The following CNTNAP2 variants were observed in gnomAD, a reference collection of about 807,000 sequenced individuals.
The protein encoded by CNTNAP2 is contactin associated protein 2.
In CNTNAP2, 98 loss-of-function variants were observed where a neutral mutation model predicts 155.2. That is an observed-to-expected ratio of 0.63 (90% CI 0.54 to 0.75). CNTNAP2 has a LOEUF of 0.75. Among genes scored for constraint, CNTNAP2 ranks in the 30% least tolerant of loss-of-function variants. The probability of loss-of-function intolerance (pLI) is 0.00; values close to 1 mark genes in which losing one functional copy is unlikely to be tolerated. For synonymous variants in CNTNAP2, 651 were observed against 631.2 expected, an observed-to-expected ratio of 1.03 and a Z score of -0.47; for missense variants, 1,727 against 1,688.1, an observed-to-expected ratio of 1.02 and a Z score of -0.40.
intron 8 of CNTNAP2, among the ~76,000 whole-genome samples, chr7:147,158,431 A>C (rs543650077): frequency 1.3e-5 from 2 of 152,192 alleles, no homozygotes; most frequent in Non-Finnish European, 2.9e-5. Flanking sequence ...TTTATTCTGC[A>C]CCATGGATTA....
At chr7:147,748,521 A>C (rs2116498965) in intron 13 of CNTNAP2, among the ~76,000 whole-genome samples, 1 of 152,350 alleles carries the variant, frequency 6.6e-6, no homozygotes, top group African/African-American at 2.4e-5. Flanking sequence ...CATAAAATTA[A>C]GAAGTCTTTA....
chr7:146,347,656 C>A (rs1307540022), intron 1 of CNTNAP2, among the ~76,000 whole-genome samples: 1 of 152,118 alleles, frequency 6.6e-6, no homozygotes, highest in Non-Finnish European at 1.5e-5. Flanking sequence ...ACCTCCACCT[C>A]CCTGCTTCAA....
At chr7:146,531,027 A>T (rs1433704186) in intron 1 of CNTNAP2, among the ~76,000 whole-genome samples, 1 of 152,204 alleles carries the variant, frequency 6.6e-6, no homozygotes, top group African/African-American at 2.4e-5. Flanking sequence ...CATTTTATAC[A>T]CCGTGGAATA....
intron 1 of CNTNAP2, among the ~76,000 whole-genome samples, chr7:146,214,413 G>T (rs1433078566): frequency 2.6e-5 from 4 of 152,094 alleles, no homozygotes; most frequent in African/African-American, 9.7e-5. Flanking sequence ...TACATACCTG[G>T]CTTTGTTATT....
intron 1 of CNTNAP2, among the ~76,000 whole-genome samples, chr7:146,380,760 T>TATTTCTTG: frequency 7.3e-6 from 1 of 136,498 alleles, no homozygotes; most frequent in South Asian, 2.4e-4. Context: ...AGAAAAAAAA[T>TATTTCTTG]ATTTCTTGCT....
At chr7:146,246,249 G>C (rs1364732807) in intron 1 of CNTNAP2, among the ~76,000 whole-genome samples, 4 of 150,668 alleles carry the variant, frequency 2.7e-5, no homozygotes, top group Admixed American at 1.3e-4. Flanking sequence ...GGTAATACAA[G>C]AGGAGGACGC....
chr7:146,412,640 C>T (rs1424877980), intron 1 of CNTNAP2, among the ~76,000 whole-genome samples: 2 of 152,294 alleles, frequency 1.3e-5, no homozygotes, highest in Non-Finnish European at 2.9e-5. Context: ...GTTACTGCAG[C>T]AATTTCTTTT....
At position 147,030,748 on chromosome 7, in the gene CNTNAP2, A is replaced by G. The variant is rs181445764; in HGVS notation, c.403-13159A>G. Among the ~76,000 whole-genome samples, 78 of 152,272 alleles carry G rather than the reference A, an allele frequency of 5.1e-4. No individual in the cohort carries two copies. In the South Asian group the frequency reaches 6.2e-3, roughly 12 times the overall value. On this transcript the variant is annotated intron_variant, in intron 3 of 23. Coordinates refer to ENST00000361727, the MANE Select transcript of CNTNAP2 (RefSeq NM_014141.6). ...AGAAGTTATATTAAGGCCAGGCATGATGATTCATGTCTGTAATCCTAGCAC... is the reference window on the plus strand; with the variant it reads ...AGAAGTTATATTAAGGCCAGGCATGGTGATTCATGTCTGTAATCCTAGCAC...
At chr7:146,401,171 A>G (rs1795708460) in intron 1 of CNTNAP2, among the ~76,000 whole-genome samples, 1 of 152,140 alleles carries the variant, frequency 6.6e-6, no homozygotes, top group Non-Finnish European at 1.5e-5. Flanking sequence ...TAACTTTCCT[A>G]ATGTTTTCTA....
chr7:147,677,327 A>T (rs777181314), intron 13 of CNTNAP2, among the ~76,000 whole-genome samples: 1 of 151,852 alleles, frequency 6.6e-6, no homozygotes, highest in East Asian at 1.9e-4. Flanking sequence ...ATTTAGAGTC[A>T]TGGCTCATTT....
chr7:148,408,009 C>A (rs1211490881), intron 22 of CNTNAP2, among the ~76,000 whole-genome samples: 1 of 152,220 alleles, frequency 6.6e-6, no homozygotes, highest in Admixed American at 6.5e-5. Flanking sequence ...TTTTGGGAGG[C>A]CAGGGTGAGT....
chr7:147,101,560 A>C (rs1318109784), intron 4 of CNTNAP2, among the ~76,000 whole-genome samples: 1 of 152,178 alleles, frequency 6.6e-6, no homozygotes, highest in Non-Finnish European at 1.5e-5. Flanking sequence ...CTTGTCTGGC[A>C]TTCAGAAAGA....
intron 12 of CNTNAP2, among the ~76,000 whole-genome samples, chr7:147,599,322 T>A (rs1229925971): frequency 6.7e-6 from 1 of 150,236 alleles, no homozygotes; most frequent in African/African-American, 2.5e-5. Flanking sequence ...ACTAAAAAAA[T>A]AAAATAAAAA....
At chr7:146,568,624 C>A (rs529261337) in intron 1 of CNTNAP2, among the ~76,000 whole-genome samples, 2 of 152,114 alleles carry the variant, frequency 1.3e-5, no homozygotes, top group African/African-American at 2.4e-5. Context: ...AGTCTGCATA[C>A]AGATTCTTGA....
intron 2 of CNTNAP2, among the ~76,000 whole-genome samples, chr7:146,777,913 T>G (rs1802418569): frequency 6.6e-6 from 1 of 152,050 alleles, no homozygotes; most frequent in East Asian, 1.9e-4. Flanking sequence ...ATTTTTTTTT[T>G]TAAGTATAGC....
At chr7:147,986,052 G>A (rs79322148) in intron 15 of CNTNAP2, among the ~76,000 whole-genome samples, 70 of 152,120 alleles carry the variant, frequency 4.6e-4, no homozygotes, top group African/African-American at 1.6e-3. Flanking sequence ...TCATTACACT[G>A]TGTACTGATT....
chr7:147,195,447 CT>C (rs1316755747), intron 8 of CNTNAP2, among the ~76,000 whole-genome samples: 1 of 151,460 alleles, frequency 6.6e-6, no homozygotes, highest in Non-Finnish European at 1.5e-5. Flanking sequence ...GTTTTTTTTT[CT>C]AATTCTGTGA....
chr7:147,713,608 A>G (rs1796435624), intron 13 of CNTNAP2, among the ~76,000 whole-genome samples: 1 of 152,150 alleles, frequency 6.6e-6, no homozygotes, highest in Non-Finnish European at 1.5e-5. Flanking sequence ...ACATTCTCAC[A>G]CAGATTTTTG....
intron 3 of CNTNAP2, among the ~76,000 whole-genome samples, chr7:146,931,904 G>A (rs1199393297): frequency 3.9e-5 from 6 of 152,194 alleles, no homozygotes; most frequent in South Asian, 2.1e-4. Flanking sequence ...TTGAATCTCC[G>A]AATAGACCAA....
Sources: allele counts gnomAD v4.1 joint callset (sites outside exome capture counted in the v4.1 genomes callset), GRCh38; gene constraint gnomAD v4.1.1; transcripts MANE v1.5; gene names NCBI Gene and HGNC (gene_info 2026-07-23, HGNC 2026-07-21).